TSPEAR: variants seen among roughly 807,000 people sequenced by gnomAD.
TSPEAR encodes the protein thrombospondin type laminin G domain and EAR repeats, also known as thrombospondin-type laminin G domain and EAR repeat-containing protein.
Under a neutral mutation model 71.6 loss-of-function variants are expected in TSPEAR, and 69 were observed. The observed-to-expected ratio is 0.96, with a 90% CI of 0.79 to 1.18. TSPEAR has a LOEUF of 1.18. TSPEAR is among the 50% of genes most tolerant of loss of function. The pLI, the probability that TSPEAR is intolerant of heterozygous loss-of-function variation, is 0.00. For synonymous variants in TSPEAR, 402 were observed against 387.2 expected (o/e 1.04, Z -0.45); for missense variants, 971 against 894.9 (o/e 1.09, Z -1.09).
At chr21:44,626,186 TCA>T (rs1982765497) in intron 1 of TSPEAR, among the ~76,000 whole-genome samples, 1 of 152,240 alleles carries the variant, frequency 6.6e-6, no homozygotes, top group African/African-American at 2.4e-5. Flanking sequence ...AAATGTGAAA[TCA>T]CAATCAATAT....
At chr21:44,637,418 A>C (rs1820947549) in intron 1 of TSPEAR, 1 of 1,601,042 alleles carries the variant, frequency 6.2e-7, no homozygotes, top group Admixed American at 1.7e-5. Flanking sequence ...CCACTCCAGC[A>C]TGGCCGCCTC....
intron 9 of TSPEAR, among the ~76,000 whole-genome samples, chr21:44,518,000 T>A (rs988977901): frequency 4.6e-5 from 7 of 152,262 alleles, no homozygotes; most frequent in Non-Finnish European, 1.0e-4. Flanking sequence ...CCTGGTTTGA[T>A]TCTGTCTCTT....
intron 1 of TSPEAR, chr21:44,637,463 T>C: frequency 6.2e-7 from 1 of 1,613,048 alleles, no homozygotes; most frequent in Non-Finnish European, 8.5e-7. Flanking sequence ...CTGCACTGAC[T>C]CTTGGCGGGT....
intron 1 of TSPEAR, among the ~76,000 whole-genome samples, chr21:44,628,559 C>G (rs1320707681): frequency 1.3e-5 from 2 of 151,980 alleles, no homozygotes; most frequent in Admixed American, 1.3e-4. Context: ...TGTCCGGCTC[C>G]CCTCCCAGGT....
intron 11 of TSPEAR, among the ~76,000 whole-genome samples, chr21:44,503,312 G>T (rs1453432149): frequency 6.8e-6 from 1 of 147,726 alleles, no homozygotes; most frequent in Admixed American, 6.8e-5. Flanking sequence ...AAGGCTCTGG[G>T]AGGAGGCCGG....
At chr21:44,701,046 G>A (rs1213220319) in intron 1 of TSPEAR, among the ~76,000 whole-genome samples, 4 of 152,212 alleles carry the variant, frequency 2.6e-5, no homozygotes, top group Non-Finnish European at 4.4e-5. Context: ...CTCATCCCTG[G>A]AACCTGTGAA....
chr21:44,574,248 G>A lies in TSPEAR; in HGVS notation c.83-6243C>T, dbSNP rs200740471. The A allele has an allele frequency of 3.9e-4, 632 of 1,606,562 alleles. 1 individual carries two copies. The African/African-American group carries it at 7.8e-3, about 20-fold the overall frequency. ...CTGTGTGCCCATCTGCTGCAAGCCTGTCTGCTCTGGGATTTCCTCTTCGTG... is the reference window on the plus strand; with the variant it reads ...CTGTGTGCCCATCTGCTGCAAGCCTATCTGCTCTGGGATTTCCTCTTCGTG... On this transcript the variant is annotated intron_variant, in intron 1 of 11. Transcript: ENST00000323084.
At chr21:44,697,025 C>A (rs901122976) in intron 1 of TSPEAR, 1 of 904,550 alleles carries the variant, frequency 1.1e-6, no homozygotes, top group Admixed American at 3.4e-5. Flanking sequence ...AGCACCCAGA[C>A]GCTCACTCAC....
intron 1 of TSPEAR, among the ~76,000 whole-genome samples, chr21:44,660,386 A>G (rs1985422213): frequency 2.0e-5 from 3 of 152,248 alleles, no homozygotes; most frequent in Non-Finnish European, 4.4e-5. Flanking sequence ...TGAAAGCATC[A>G]ATATTTTAAA....
At chr21:44,674,981 C>A (rs916280211) in intron 1 of TSPEAR, among the ~76,000 whole-genome samples, 17 of 151,978 alleles carry the variant, frequency 1.1e-4, no homozygotes, top group African/African-American at 3.9e-4. Context: ...GGCTTCACTG[C>A]CAAATTATAC....
Position 44,499,773 on chromosome 21 carries a change from A to G in TSPEAR, c.*10T>C. The G allele has an allele frequency of 6.4e-7, 1 of 1,551,540 alleles. No individual in the cohort carries two copies. The highest frequency in any genetic ancestry group is 1.4e-5 in the African/African-American group (1 of 72,638). ...CTGGCCACCCCAGTTGCTGCCGGGC[A>G]GCCGCGGCCTCAGCGTGTCCTCAGC... On this transcript the variant is annotated 3_prime_UTR_variant, in exon 12 of 12. Coordinates refer to ENST00000323084, the MANE Select transcript of TSPEAR (RefSeq NM_144991.3).
chr21:44,614,209 C>T (rs1981918624), intron 1 of TSPEAR, among the ~76,000 whole-genome samples: 2 of 152,342 alleles, frequency 1.3e-5, no homozygotes, highest in Admixed American at 1.3e-4. Flanking sequence ...ACGCCAGCGT[C>T]ACTCTCCCCC....
rs782283195 is a variant in TSPEAR, at chr21:44,627,350, T to C, written c.83-59345A>G. ...CGTGTATCCAGCCCCTGCTGCCAGGTGACCTGTGAGCCCAGCCCCTGCCAA... is the reference window on the plus strand; with the variant it reads ...CGTGTATCCAGCCCCTGCTGCCAGGCGACCTGTGAGCCCAGCCCCTGCCAA... On this transcript the variant is annotated intron_variant, in intron 1 of 11. Coordinates refer to ENST00000323084, the MANE Select transcript of TSPEAR (RefSeq NM_144991.3). 3.2e-5 allele frequency: 51 copies of C among 1,613,282 alleles called. 1 individual carries two copies. The highest frequency in any genetic ancestry group is 9.3e-5 in the African/African-American group (7 of 74,870).
intron 1 of TSPEAR, among the ~76,000 whole-genome samples, chr21:44,701,535 G>C (rs1987646822): frequency 6.6e-6 from 1 of 152,234 alleles, no homozygotes; most frequent in African/African-American, 2.4e-5. Context: ...TGGGAGCCCT[G>C]AGCTTGTTTT....
At chr21:44,603,515 C>T (rs1210719448) in intron 1 of TSPEAR, among the ~76,000 whole-genome samples, 1 of 152,332 alleles carries the variant, frequency 6.6e-6, no homozygotes, top group East Asian at 1.9e-4. Context: ...CCCCAGCAAG[C>T]ATCCAGGCAT....
In TSPEAR at chr21:44,580,306, G is replaced by A. The variant is rs5017210; in HGVS notation, c.83-12301C>T. On this transcript the variant is annotated intron_variant, in intron 1 of 11. Coordinates refer to ENST00000323084, the MANE Select transcript of TSPEAR (RefSeq NM_144991.3). ...GGCAGCACACAGGCTTGCAGCAGACGGGCACGCAGCAGGCCTGCTGGCAGG... is the reference window on the plus strand; with the variant it reads ...GGCAGCACACAGGCTTGCAGCAGACAGGCACGCAGCAGGCCTGCTGGCAGG... 7.2e-3 allele frequency: 11,532 copies of A among 1,607,340 alleles called. 461 individuals are homozygous for A. In the African/African-American group the frequency reaches 0.1, roughly 14 times the overall value.
At chr21:44,658,688 TTC>T (rs1985316559) in intron 1 of TSPEAR, among the ~76,000 whole-genome samples, 1 of 151,916 alleles carries the variant, frequency 6.6e-6, no homozygotes, top group South Asian at 2.1e-4. Context: ...GGCCTGAAGG[TTC>T]TGTCCCCCGA....
intron 1 of TSPEAR, among the ~76,000 whole-genome samples, chr21:44,584,765 A>G (rs999643563): frequency 1.3e-5 from 2 of 152,242 alleles, no homozygotes; most frequent in Admixed American, 6.5e-5. Context: ...GATGATATAC[A>G]CCTTTAAAAC....
chr21:44,628,907 T>C (rs1216722486), intron 1 of TSPEAR, among the ~76,000 whole-genome samples: 2 of 149,722 alleles, frequency 1.3e-5, no homozygotes, highest in East Asian at 2.0e-4. Context: ...AACAGACACG[T>C]GGTCTCCAGA....
Sources: gnomAD v4.1 joint callset for allele counts (sites outside exome capture counted in the v4.1 genomes callset) on GRCh38, gnomAD v4.1.1 for gene constraint, MANE v1.5 for transcripts, NCBI Gene and HGNC (gene_info 2026-07-23, HGNC 2026-07-21) for gene names.